WWOX: variants seen among roughly 807,000 people sequenced by gnomAD.
The protein encoded by WWOX is WW domain-containing oxidoreductase.
In WWOX, 69 loss-of-function variants were observed where a neutral mutation model predicts 46.2. The ratio of observed to expected loss-of-function variants is 1.49; its 90% confidence interval spans 1.23 to 1.82. The LOEUF (loss-of-function observed/expected upper bound fraction) is 1.82, where lower values mean the gene tolerates loss of function less well. WWOX is among the 40% of genes most tolerant of loss of function. WWOX has a pLI of 0.00. For synonymous variants in WWOX, 359 were observed against 202.6 expected (o/e 1.77, Z -6.56); for missense variants, 919 against 542.6 (o/e 1.69, Z -6.89).
At chr16:78,536,127 A>G (rs1440535577) in intron 8 of WWOX, among the ~76,000 whole-genome samples, 5 of 152,008 alleles carry the variant, frequency 3.3e-5, no homozygotes, top group African/African-American at 7.3e-5. Context: ...GTTCCCTCCT[A>G]TTATATCCTT....
At chr16:78,332,217 A>G (rs2080774961) in intron 5 of WWOX, among the ~76,000 whole-genome samples, 1 of 152,128 alleles carries the variant, frequency 6.6e-6, no homozygotes, top group South Asian at 2.1e-4. Context: ...GAAAGACTGG[A>G]AACTTGCCTA....
intron 7 of WWOX, among the ~76,000 whole-genome samples, chr16:78,431,238 C>A (rs1941583404): frequency 1.3e-5 from 2 of 152,218 alleles, no homozygotes; most frequent in African/African-American, 2.4e-5. Context: ...TGTGTACATC[C>A]ATGCCATGGG....
At position 78,339,622 on chromosome 16, in the gene WWOX, G is replaced by A. The variant is rs182905172; in HGVS notation, c.517-47238G>A. Among the ~76,000 whole-genome samples, 602 of 120,182 alleles carry A rather than the reference G, an allele frequency of 5.0e-3. 127 individuals are homozygous for A. Among genetic ancestry groups the A allele is most frequent in the African/African-American group, 0.016 (560 of 35,482 alleles). 78.8% of individuals were successfully genotyped at this position (120,182 alleles called of 152,430 possible). A position where few individuals can be genotyped will look rare whatever the true frequency, so the allele number is the denominator to read the frequency against. ...TCTGAAAAAGGATGATAGAATATGT[G>A]TGTGTGTCTGTGTGTGTGTATTTCA... On this transcript the variant is annotated intron_variant, in intron 5 of 8. Transcript: ENST00000566780.
At chr16:78,514,677 G>T (rs2667609) in intron 8 of WWOX, among the ~76,000 whole-genome samples, 134,356 of 152,182 alleles carry the variant, frequency 0.88, 60,068 homozygotes, top group Non-Finnish European at 0.95. Context: ...GCAAAAGGCT[G>T]GCAATTTATT....
chr16:79,032,420 T>C (rs1391605615), intron 8 of WWOX, among the ~76,000 whole-genome samples: 1 of 147,300 alleles, frequency 6.8e-6, no homozygotes, highest in East Asian at 1.9e-4. Context: ...ATGTTACATA[T>C]TATGTTGAGA....
chr16:78,632,557 A>ATTTTTTTTTTTTTCTTTT (rs2046459831), intron 8 of WWOX, among the ~76,000 whole-genome samples: 1 of 74,758 alleles, frequency 1.3e-5, no homozygotes, highest in Non-Finnish European at 2.4e-5. Flanking sequence ...TACTTGGCCA[A>ATTTTTTTTTTTTTCTTTT]TTTTTTTTTT....
At position 78,503,322 on chromosome 16, in the gene WWOX, A is replaced by C. The variant is rs1186624978; in HGVS notation, c.1056+70570A>C. On this transcript the variant is annotated intron_variant, in intron 8 of 8. Coordinates refer to ENST00000566780, the MANE Select transcript of WWOX (RefSeq NM_016373.4). Reference sequence around the variant, plus strand: ...AATAAGGTAACAGACCCTCAGGTCTACCTATAAGTACCTTCCAACTGTTCC... The same window carrying C: ...AATAAGGTAACAGACCCTCAGGTCTCCCTATAAGTACCTTCCAACTGTTCC... Among the ~76,000 whole-genome samples, 6 of 152,168 alleles carry C rather than the reference A, an allele frequency of 3.9e-5. 1 individual carries two copies. The highest frequency in any genetic ancestry group is 3.3e-4 in the Admixed American group (5 of 15,280).
At chr16:78,320,807 T>A (rs2080451302) in intron 5 of WWOX, among the ~76,000 whole-genome samples, 1 of 152,196 alleles carries the variant, frequency 6.6e-6, no homozygotes, top group Non-Finnish European at 1.5e-5. Context: ...CTTAGAAAAC[T>A]TTGACATCAT....
intron 6 of WWOX, among the ~76,000 whole-genome samples, chr16:78,402,093 A>G (rs1230239153): frequency 2.0e-5 from 3 of 152,214 alleles, no homozygotes; most frequent in Non-Finnish European, 4.4e-5. Context: ...GAACAATTTC[A>G]TCACTCCAAA....
At chr16:78,145,564 C>T (rs898710231) in intron 4 of WWOX, among the ~76,000 whole-genome samples, 2 of 152,128 alleles carry the variant, frequency 1.3e-5, no homozygotes, top group Non-Finnish European at 2.9e-5. Flanking sequence ...TAGATGGTAC[C>T]AACCCAAATT....
rs755662217 is a variant in WWOX at position 79,028,648 on chromosome 16, C to T, written c.1057-182960C>T. On this transcript the variant is annotated intron_variant, in intron 8 of 8. Transcript: ENST00000566780. ...TAGGGTATGTTTTGGGGGGAAAAAA[C>T]GCTTCAGTGCGTGTTTCTTTCGACA... Among the ~76,000 whole-genome samples, 24 of 151,634 alleles carry T rather than the reference C, an allele frequency of 1.6e-4. No individual in the cohort carries two copies. In the South Asian group the frequency reaches 4.0e-3, roughly 25 times the overall value.
chr16:78,118,112 A>G (rs768949470), intron 4 of WWOX, among the ~76,000 whole-genome samples: 1 of 151,064 alleles, frequency 6.6e-6, no homozygotes, highest in Non-Finnish European at 1.5e-5. Context: ...GATCTCACTG[A>G]TAAAGAAGGG....
At chr16:78,638,851 A>T (rs747409529) in intron 8 of WWOX, among the ~76,000 whole-genome samples, 284 of 151,050 alleles carry the variant, frequency 1.9e-3, no homozygotes, top group Non-Finnish European at 3.1e-3. Context: ...AGATTCAGGA[A>T]TTTTTTTTTT....
intron 8 of WWOX, among the ~76,000 whole-genome samples, chr16:79,116,058 T>C (rs546522608): frequency 6.6e-6 from 1 of 152,318 alleles, no homozygotes; most frequent in South Asian, 2.1e-4. Flanking sequence ...ACAATAGCAT[T>C]GTAAGAAAAC....
intron 8 of WWOX, among the ~76,000 whole-genome samples, chr16:78,761,914 G>A (rs2049804309): frequency 6.6e-6 from 1 of 152,188 alleles, no homozygotes; most frequent in Non-Finnish European, 1.5e-5. Flanking sequence ...TTGTGTGTGT[G>A]AGTGTGTGAG....
intron 8 of WWOX, among the ~76,000 whole-genome samples, chr16:79,011,861 T>G (rs373961021): frequency 5.3e-5 from 8 of 152,152 alleles, no homozygotes; most frequent in African/African-American, 1.9e-4. Flanking sequence ...ACTATGTTCT[T>G]CAGGCTAGTC....
chr16:78,644,223 AAATGAATGAATGAATG>A (rs541292076), intron 8 of WWOX, among the ~76,000 whole-genome samples: 1 of 151,968 alleles, frequency 6.6e-6, no homozygotes, highest in Non-Finnish European at 1.5e-5. Context: ...TCTGTCTCAA[AAATGAATGAATGAATG>A]AATGAATGAA....
intron 5 of WWOX, among the ~76,000 whole-genome samples, chr16:78,356,683 C>T (rs981251834): frequency 1.3e-5 from 2 of 152,168 alleles, no homozygotes; most frequent in African/African-American, 4.8e-5. Flanking sequence ...CAGTTGAAGA[C>T]CAGCCTGGCC....
At chr16:79,036,872 C>G (rs1160964278) in intron 8 of WWOX, among the ~76,000 whole-genome samples, 4 of 152,166 alleles carry the variant, frequency 2.6e-5, no homozygotes, top group Admixed American at 2.6e-4. Flanking sequence ...GGATCAGATT[C>G]AGTGGAAGTG....
Sources: allele counts gnomAD v4.1 joint callset (sites outside exome capture counted in the v4.1 genomes callset), GRCh38; gene constraint gnomAD v4.1.1; transcripts MANE v1.5; gene names NCBI Gene and HGNC (gene_info 2026-07-23, HGNC 2026-07-21).